Variants in GSG1L observed in about 807,000 individuals in gnomAD.
GSG1L encodes germ cell-specific gene 1-like protein.
Under a neutral mutation model 42.1 loss-of-function variants are expected in GSG1L, and 24 were observed. The ratio of observed to expected loss-of-function variants is 0.57; its 90% CI spans 0.41 to 0.80. GSG1L has a LOEUF of 0.80. GSG1L is among the 30% of genes least tolerant of loss of function. The probability of loss-of-function intolerance (pLI) is 0.00; values close to 1 mark genes in which losing one functional copy is unlikely to be tolerated. For missense variants in GSG1L, 445 were observed against 472.2 expected (o/e 0.94, Z 0.53); for synonymous variants, 215 against 203.5 (o/e 1.06, Z -0.48).
chr16:28,046,284 T>C (rs1163902636), intron 1 of GSG1L, among the ~76,000 whole-genome samples: 1 of 151,344 alleles, frequency 6.6e-6, no homozygotes, highest in Non-Finnish European at 1.5e-5. Context: ...CCGTTAGCTA[T>C]TGCTAGGAAA....
intron 3 of GSG1L, among the ~76,000 whole-genome samples, chr16:27,879,414 G>A (rs2083924749): frequency 6.6e-6 from 1 of 152,026 alleles, no homozygotes; most frequent in Non-Finnish European, 1.5e-5. Flanking sequence ...AGGCCAGCCT[G>A]GGCCAATATA....
intron 2 of GSG1L, among the ~76,000 whole-genome samples, chr16:27,924,942 C>T (rs1327800083): frequency 6.6e-6 from 1 of 152,136 alleles, no homozygotes. Flanking sequence ...CCCAGCAACA[C>T]CGGATCACAC....
At chr16:27,881,995 C>G (rs2083963094) in intron 3 of GSG1L, among the ~76,000 whole-genome samples, 1 of 152,102 alleles carries the variant, frequency 6.6e-6, no homozygotes, top group African/African-American at 2.4e-5. Flanking sequence ...ACCCTGAACC[C>G]AGAGAGATCA....
At chr16:27,815,443 A>G (rs550035055) in intron 5 of GSG1L, among the ~76,000 whole-genome samples, 1 of 152,356 alleles carries the variant, frequency 6.6e-6, no homozygotes, top group South Asian at 2.1e-4. Flanking sequence ...CTGCAGAAAC[A>G]CAAGCCACAT....
In GSG1L at chr16:28,018,776, C is replaced by T. The variant is rs540041892; in HGVS notation, c.349+44300G>A. On this transcript the variant is annotated intron_variant, in intron 1 of 6. Coordinates refer to ENST00000447459, the MANE Select transcript of GSG1L (RefSeq NM_001109763.2). ...CCCAGACCCCACCTCACCTGGAAAC[C>T]GGAGCCCATAACATGCCGCCCCCAC... Among the ~76,000 whole-genome samples the T allele has an allele frequency of 2.0e-4, 30 of 152,104 alleles. No homozygotes were observed. The East Asian group carries it at 2.3e-3, about 12-fold the overall frequency.
chr16:27,953,174 C>T (rs997032683), intron 2 of GSG1L, among the ~76,000 whole-genome samples: 4 of 152,214 alleles, frequency 2.6e-5, no homozygotes, highest in African/African-American at 9.6e-5. Context: ...ACTGCAACCT[C>T]TACCTCCTGG....
chr16:27,888,233 C>T (rs1238098062), intron 2 of GSG1L: 1 of 464,714 alleles, frequency 2.2e-6, no homozygotes, highest in South Asian at 9.0e-5. Flanking sequence ...GACGCTTCCC[C>T]CGCCCCTCTC....
intron 1 of GSG1L, among the ~76,000 whole-genome samples, chr16:28,034,614 T>C (rs1266866355): frequency 6.6e-6 from 1 of 151,982 alleles, no homozygotes; most frequent in Admixed American, 6.6e-5. Context: ...TCCCATGGGG[T>C]GACAACACAG....
intron 3 of GSG1L, among the ~76,000 whole-genome samples, chr16:27,871,343 T>C (rs1025896151): frequency 2.0e-5 from 3 of 152,128 alleles, no homozygotes; most frequent in Non-Finnish European, 4.4e-5. Flanking sequence ...CACAGACAAG[T>C]AAATAAATTA....
intron 1 of GSG1L, among the ~76,000 whole-genome samples, chr16:27,966,162 C>A (rs2898879): frequency 6.6e-6 from 1 of 152,028 alleles, no homozygotes; most frequent in African/African-American, 2.4e-5. Flanking sequence ...CAAATGTTAT[C>A]TTCCCAAGGA....
At chr16:27,960,053 T>C (rs1325659284) in intron 2 of GSG1L, among the ~76,000 whole-genome samples, 1 of 151,924 alleles carries the variant, frequency 6.6e-6, no homozygotes, top group East Asian at 2.0e-4. Flanking sequence ...CAAGAGGGTA[T>C]TGGAGAAAAT....
intron 4 of GSG1L, 123 bp from the exon 5 acceptor site, chr16:27,829,079 T>G: frequency 1.2e-6 from 1 of 859,666 alleles, no homozygotes; most frequent in Admixed American, 2.6e-5. Context: ...CTTAAGCAGT[T>G]ACTGCCACAG....
At chr16:28,000,152 ATG>A (rs1001743654) in intron 1 of GSG1L, among the ~76,000 whole-genome samples, 1 of 152,160 alleles carries the variant, frequency 6.6e-6, no homozygotes, top group African/African-American at 2.4e-5. Context: ...ACTTGCTCAC[ATG>A]TGACATTCTG....
intron 1 of GSG1L, among the ~76,000 whole-genome samples, chr16:28,058,882 A>G (rs940351126): frequency 6.6e-6 from 1 of 152,176 alleles, no homozygotes; most frequent in African/African-American, 2.4e-5. Flanking sequence ...AGGTACAGGG[A>G]AGGCTAGCTG....
Position 27,963,138 on chromosome 16 carries a change from A to T in GSG1L, c.397+18T>A. ...AGAGAGAGCAGAGCTGCCACAGCTC[A>T]GCTGGGGTCACACTCACCTTTCTCC... On this transcript the variant is annotated intron_variant, in intron 2 of 6. Transcript: ENST00000447459. 1 of 1,608,830 alleles carries T rather than the reference A, an allele frequency of 6.2e-7. No homozygotes were observed. The highest frequency in any genetic ancestry group is 8.5e-7 in the Non-Finnish European group (1 of 1,175,262).
At chr16:27,999,604 T>G (rs768087571) in intron 1 of GSG1L, among the ~76,000 whole-genome samples, 40 of 152,242 alleles carry the variant, frequency 2.6e-4, no homozygotes, top group Non-Finnish European at 3.8e-4. Flanking sequence ...ATTTTCTATA[T>G]GCCGGCACTT....
intron 2 of GSG1L, among the ~76,000 whole-genome samples, chr16:27,895,808 G>A (rs908686031): frequency 2.0e-5 from 3 of 152,228 alleles, no homozygotes; most frequent in Non-Finnish European, 4.4e-5. Context: ...GGTCATAGTA[G>A]AGACCCTCAG....
chr16:28,014,332 C>T (rs1007880852), intron 1 of GSG1L, among the ~76,000 whole-genome samples: 5 of 152,132 alleles, frequency 3.3e-5, no homozygotes, highest in Admixed American at 2.0e-4. Flanking sequence ...CGTGCAGACA[C>T]GGGAACATGC....
At chr16:27,902,527 A>T (rs2084272252) in intron 2 of GSG1L, among the ~76,000 whole-genome samples, 1 of 151,366 alleles carries the variant, frequency 6.6e-6, no homozygotes, top group Non-Finnish European at 1.5e-5. Flanking sequence ...CGATGATGAG[A>T]CGGGAGGTTC....
Sources: gnomAD v4.1 joint callset for allele counts (sites outside exome capture counted in the v4.1 genomes callset) on GRCh38, gnomAD v4.1.1 for gene constraint, MANE v1.5 for transcripts, NCBI Gene and HGNC (gene_info 2026-07-23, HGNC 2026-07-21) for gene names.